Variants in CNTN6 observed in about 807,000 individuals in gnomAD.
The protein encoded by CNTN6 is contactin-6.
Under a neutral mutation model 122.8 loss-of-function variants are expected in CNTN6, and 137 were observed. The ratio of observed to expected loss-of-function variants is 1.12; its 90% CI spans 0.97 to 1.29. The LOEUF is 1.29. Among genes scored for constraint, CNTN6 ranks in the 50% most tolerant of loss-of-function variants. The probability of loss-of-function intolerance (pLI) is 0.00; values close to 1 mark genes in which losing one functional copy is unlikely to be tolerated. For synonymous variants in CNTN6, 570 were observed against 426.0 expected (o/e 1.34, Z -4.16); for missense variants, 1,634 against 1,223.4 (o/e 1.34, Z -5.01).
At position 1,214,301 on chromosome 3, in the gene CNTN6, C is replaced by CTTTTTT. The variant is rs34799447; in HGVS notation, c.56-6367_56-6362dup. Among the ~76,000 whole-genome samples, 83 of 44,034 alleles carry CTTTTTT rather than the reference C, an allele frequency of 1.9e-3. 4 individuals carry two copies. Among genetic ancestry groups the CTTTTTT allele is most frequent in the East Asian group, 2.4e-3 (3 of 1,254 alleles). 28.9% of individuals were successfully genotyped at this position (44,034 alleles called of 152,430 possible). A position where few individuals can be genotyped will look rare whatever the true frequency, so the allele number is the denominator to read the frequency against. The stretch of plus-strand genomic sequence containing the variant: ...TTGTTCAAATGTGTTTGTTGGATGT[C>CTTTTTT]TTTTTTTTTTTTTTTTTTTTTTTTG... On this transcript the variant is annotated intron_variant, in intron 2 of 22. Coordinates refer to ENST00000446702, the MANE Select transcript of CNTN6 (RefSeq NM_001289080.2).
At chr3:1,120,999 C>A (rs904211519) in intron 1 of CNTN6, among the ~76,000 whole-genome samples, 24 of 151,904 alleles carry the variant, frequency 1.6e-4, no homozygotes, top group Non-Finnish European at 3.1e-4. Context: ...ATATTTTCTA[C>A]ATTTCTGATT....
At chr3:1,211,565 T>A (rs1322708645) in intron 2 of CNTN6, among the ~76,000 whole-genome samples, 4 of 152,066 alleles carry the variant, frequency 2.6e-5, no homozygotes, top group Non-Finnish European at 5.9e-5. Flanking sequence ...TCACTAGAAA[T>A]TGAAACCAAA....
intron 11 of CNTN6, among the ~76,000 whole-genome samples, chr3:1,343,600 G>GA (rs771590571): frequency 4.6e-5 from 7 of 152,036 alleles, no homozygotes; most frequent in African/African-American, 7.2e-5. Context: ...AATGCAATCA[G>GA]AAAAATGCAT....
chr3:1,327,842 C>G (rs1268896921), intron 10 of CNTN6, among the ~76,000 whole-genome samples: 1 of 151,752 alleles, frequency 6.6e-6, no homozygotes, highest in Non-Finnish European at 1.5e-5. Flanking sequence ...CTGATTCTAG[C>G]ATGAATTTTT....
chr3:1,144,013 T>C (rs1021669001), intron 1 of CNTN6, among the ~76,000 whole-genome samples: 13 of 152,174 alleles, frequency 8.5e-5, no homozygotes, highest in African/African-American at 2.7e-4. Flanking sequence ...GCAAAATCTC[T>C]AGATTCCCAA....
At chr3:1,162,081 C>T (rs769515336) in intron 2 of CNTN6, among the ~76,000 whole-genome samples, 16 of 152,124 alleles carry the variant, frequency 1.1e-4, no homozygotes, top group East Asian at 1.9e-4. Flanking sequence ...CTTGGTTTAC[C>T]GAACCTTGCA....
intron 6 of CNTN6, among the ~76,000 whole-genome samples, chr3:1,296,418 T>C (rs1051836080): frequency 1.3e-5 from 2 of 152,210 alleles, no homozygotes; most frequent in South Asian, 2.1e-4. Flanking sequence ...TCATGGCTGG[T>C]ACAAGATTTA....
Position 1,105,213 on chromosome 3 carries a change from C to A in CNTN6, c.-83+12093C>A, listed in dbSNP as rs866749726. Among the ~76,000 whole-genome samples, 4 of 152,140 alleles carry A rather than the reference C, an allele frequency of 2.6e-5. No homozygotes were observed. In the South Asian group the frequency reaches 8.3e-4, roughly 31 times the overall value. ...TTGTAAATACTCTCCGATTGGATTA[C>A]AAAACAAATACACAGATAACAGTAT... On this transcript the variant is annotated intron_variant, in intron 1 of 22. Transcript: ENST00000446702.
chr3:1,096,899 C>A (rs1017526033), intron 1 of CNTN6, among the ~76,000 whole-genome samples: 8 of 152,088 alleles, frequency 5.3e-5, no homozygotes, highest in African/African-American at 1.9e-4. Context: ...TTTATCTGCA[C>A]CACGACCACT....
chr3:1,229,740 T>C (rs2094330409), intron 4 of CNTN6, among the ~76,000 whole-genome samples: 1 of 152,220 alleles, frequency 6.6e-6, no homozygotes, highest in East Asian at 1.9e-4. Flanking sequence ...TGCTTTCATC[T>C]GGCTAAATGG....
intron 1 of CNTN6, among the ~76,000 whole-genome samples, chr3:1,117,995 G>C (rs1280197611): frequency 1.3e-5 from 2 of 152,042 alleles, no homozygotes; most frequent in African/African-American, 4.8e-5. Flanking sequence ...TGTGCTTCTG[G>C]TAATCACTTC....
At chr3:1,201,621 T>A (rs183827131) in intron 2 of CNTN6, among the ~76,000 whole-genome samples, 2 of 152,310 alleles carry the variant, frequency 1.3e-5, no homozygotes, top group African/African-American at 4.8e-5. Context: ...TATCCAGTAG[T>A]TCCACTTCTA....
At chr3:1,240,301 C>T (rs964599449) in intron 4 of CNTN6, among the ~76,000 whole-genome samples, 2 of 152,074 alleles carry the variant, frequency 1.3e-5, no homozygotes, top group Admixed American at 1.3e-4. Context: ...CGAGAATCTA[C>T]AAGGAACTCA....
chr3:1,338,218 G>C (rs1018332203), intron 11 of CNTN6, among the ~76,000 whole-genome samples: 3 of 152,098 alleles, frequency 2.0e-5, no homozygotes, highest in Admixed American at 2.0e-4. Flanking sequence ...TTATTAAACT[G>C]TGTCTTACAA....
intron 7 of CNTN6, among the ~76,000 whole-genome samples, chr3:1,309,085 T>C (rs1698828606): frequency 6.6e-6 from 1 of 152,192 alleles, no homozygotes; most frequent in Non-Finnish European, 1.5e-5. Context: ...CTGTGACTTG[T>C]CTTTGCATTT....
chr3:1,276,450 A>G (rs1692378930), intron 4 of CNTN6, among the ~76,000 whole-genome samples: 1 of 152,128 alleles, frequency 6.6e-6, no homozygotes, highest in Non-Finnish European at 1.5e-5. Flanking sequence ...GATTATTTCC[A>G]ATCCATTTTA....
At chr3:1,347,010 C>T (rs1386202722) in intron 11 of CNTN6, among the ~76,000 whole-genome samples, 1 of 152,172 alleles carries the variant, frequency 6.6e-6, no homozygotes, top group Non-Finnish European at 1.5e-5. Flanking sequence ...TTCAGCTGCT[C>T]TTTAAAAATC....
intron 2 of CNTN6, among the ~76,000 whole-genome samples, chr3:1,206,969 C>T (rs1223059040): frequency 6.6e-6 from 1 of 152,104 alleles, no homozygotes; most frequent in African/African-American, 2.4e-5. Flanking sequence ...GCTGTGTCTT[C>T]AGGATGGGTT....
intron 5 of CNTN6, among the ~76,000 whole-genome samples, chr3:1,287,739 A>C (rs553480689): frequency 6.6e-6 from 1 of 152,280 alleles, no homozygotes; most frequent in South Asian, 2.1e-4. Flanking sequence ...TAATGCATTA[A>C]GGTGCTAAAA....
Sources: gnomAD v4.1 joint callset for allele counts (sites outside exome capture counted in the v4.1 genomes callset) on GRCh38, gnomAD v4.1.1 for gene constraint, MANE v1.5 for transcripts, NCBI Gene and HGNC (gene_info 2026-07-23, HGNC 2026-07-21) for gene names.